Variants in PPP2R2B observed in about 807,000 individuals in gnomAD.
PPP2R2B encodes the protein serine/threonine-protein phosphatase 2A 55 kDa regulatory subunit B beta isoform.
In PPP2R2B, 5 loss-of-function variants were observed where a neutral mutation model predicts 46.0. The observed-to-expected ratio is 0.11, with a 90% CI of 0.06 to 0.23. The LOEUF is 0.23. Ranked by LOEUF, PPP2R2B falls within the 10% of genes least tolerant of loss-of-function variation. PPP2R2B has a pLI of 1.00. For synonymous variants in PPP2R2B, 215 were observed against 206.7 expected (o/e 1.04, Z -0.34); for missense variants, 367 against 575.0 (o/e 0.64, Z 3.70).
intron 1 of PPP2R2B, among the ~76,000 whole-genome samples, chr5:146,996,614 G>C (rs1753933793): frequency 6.6e-6 from 1 of 152,144 alleles, no homozygotes; most frequent in Non-Finnish European, 1.5e-5. Context: ...CCAGAAAAAT[G>C]AGTTAGGAGG....
Position 146,622,909 on chromosome 5 carries a change from G to C in PPP2R2B, c.790+15342C>G, listed in dbSNP as rs900939782. On this transcript the variant is annotated intron_variant, in intron 7 of 9. Transcript: ENST00000394411. ...ATACAAATTTCAGGAATACTTCCAGGAGAAAAGTTTAACATTGAGACAATT... is the reference window on the plus strand; with the variant it reads ...ATACAAATTTCAGGAATACTTCCAGCAGAAAAGTTTAACATTGAGACAATT... Among the ~76,000 whole-genome samples the C allele has an allele frequency of 2.6e-5, 4 of 152,160 alleles. No individual in the cohort carries two copies. The East Asian group carries it at 7.7e-4, about 29-fold the overall frequency.
In PPP2R2B at chr5:146,991,952, C is replaced by T. The variant is rs768761306; in HGVS notation, c.79+63713G>A. 2.8e-4 allele frequency among the ~76,000 whole-genome samples: 43 copies of T among 151,978 alleles called. 1 individual carries two copies. Among genetic ancestry groups the T allele is most frequent in the Admixed American group, 2.5e-3 (38 of 15,256 alleles). On this transcript the variant is annotated intron_variant, in intron 1 of 8. Coordinates refer to the PPP2R2B transcript ENST00000336640. ...ATTAAAATATTTATTCTTGCCAAAG[C>T]AATCTACAGAGTCCATGGAATCCAT...
chr5:146,876,749 A>G (rs971754301), intron 2 of PPP2R2B, among the ~76,000 whole-genome samples: 2 of 152,216 alleles, frequency 1.3e-5, no homozygotes, highest in Admixed American at 6.5e-5. Flanking sequence ...GATGCTCTCC[A>G]AAAATGATGA....
chr5:146,996,732 A>G (rs1753939968), intron 1 of PPP2R2B, among the ~76,000 whole-genome samples: 3 of 152,160 alleles, frequency 2.0e-5, no homozygotes, highest in Admixed American at 6.5e-5. Flanking sequence ...GACAGAGAGA[A>G]ACAAGTGAAA....
chr5:146,994,699 A>G (rs1483824125), intron 1 of PPP2R2B, among the ~76,000 whole-genome samples: 1 of 152,114 alleles, frequency 6.6e-6, no homozygotes, highest in Non-Finnish European at 1.5e-5. Flanking sequence ...CGCTCTGCCC[A>G]ACACTTCAGA....
At chr5:147,022,762 C>T (rs1352279000) in intron 1 of PPP2R2B, among the ~76,000 whole-genome samples, 4 of 151,868 alleles carry the variant, frequency 2.6e-5, no homozygotes, top group South Asian at 2.1e-4. Flanking sequence ...TTACCATTGA[C>T]GTCGCATCAT....
intron 2 of PPP2R2B, among the ~76,000 whole-genome samples, chr5:146,801,002 A>C (rs1756832266): frequency 6.6e-6 from 1 of 152,144 alleles, no homozygotes; most frequent in Non-Finnish European, 1.5e-5. Flanking sequence ...CAGCCTTTAA[A>C]AGGAAGGAAA....
chr5:146,676,424 G>C (rs1777721122), intron 5 of PPP2R2B, among the ~76,000 whole-genome samples: 1 of 152,028 alleles, frequency 6.6e-6, no homozygotes, highest in Non-Finnish European at 1.5e-5. Flanking sequence ...CAGCCACCTG[G>C]GCCCTCCTTC....
At chr5:146,728,445 G>A (rs934559769) in intron 2 of PPP2R2B, among the ~76,000 whole-genome samples, 4 of 152,092 alleles carry the variant, frequency 2.6e-5, no homozygotes, top group African/African-American at 9.7e-5. Context: ...CAGAGATTAT[G>A]TTCTGTACAT....
At chr5:147,025,103 A>G (rs1018120715) in intron 1 of PPP2R2B, among the ~76,000 whole-genome samples, 3 of 152,098 alleles carry the variant, frequency 2.0e-5, no homozygotes, top group Non-Finnish European at 4.4e-5. Flanking sequence ...AAGGGATCTC[A>G]TTATAGGTCT....
rs1391949147 is a variant in PPP2R2B, at chr5:146,667,328, G to A, written c.448-16604C>T. On this transcript the variant is annotated intron_variant, in intron 5 of 9. Transcript: ENST00000394411. ...GGAGAGACAGCAGGAATAGGCGTGC[G>A]CGCGCACACACACACACACACACAC... 5.4e-3 allele frequency among the ~76,000 whole-genome samples: 679 copies of A among 126,250 alleles called. 5 individuals are homozygous for A. Among genetic ancestry groups the A allele is most frequent in the Middle Eastern group, 8.1e-3 (2 of 246 alleles). 82.8% of individuals were successfully genotyped at this position (126,250 alleles called of 152,430 possible).
At chr5:146,777,620 G>A (rs57666120) in intron 2 of PPP2R2B, among the ~76,000 whole-genome samples, 3,007 of 152,174 alleles carry the variant, frequency 0.02, 116 homozygotes, top group African/African-American at 0.069. Context: ...TAAATTTTAT[G>A]TTATATATAT....
At chr5:146,751,370 G>A (rs1280333895) in intron 2 of PPP2R2B, 1 of 152,202 alleles carries the variant, frequency 6.6e-6, no homozygotes, top group Admixed American at 6.5e-5. Flanking sequence ...TTCCAGAGGT[G>A]AACAGTTTTC....
intron 5 of PPP2R2B, among the ~76,000 whole-genome samples, chr5:146,662,714 G>A (rs952282400): frequency 6.6e-6 from 1 of 151,986 alleles, no homozygotes; most frequent in African/African-American, 2.4e-5. Context: ...CTGATTGAAG[G>A]TTTATGTTAA....
intron 1 of PPP2R2B, among the ~76,000 whole-genome samples, chr5:146,896,187 A>C (rs951601523): frequency 6.6e-6 from 1 of 152,176 alleles, no homozygotes; most frequent in Non-Finnish European, 1.5e-5. Context: ...AGGCAATGAC[A>C]TTTTAAAGCC....
At chr5:147,031,064 G>A (rs1302007730) in intron 1 of PPP2R2B, among the ~76,000 whole-genome samples, 10 of 151,984 alleles carry the variant, frequency 6.6e-5, no homozygotes, top group Non-Finnish European at 1.3e-4. Context: ...GTAAAACCCC[G>A]TCTCTACTAA....
chr5:146,811,286 C>T (rs180994164), intron 2 of PPP2R2B, among the ~76,000 whole-genome samples: 8 of 152,236 alleles, frequency 5.3e-5, no homozygotes, highest in Admixed American at 3.9e-4. Flanking sequence ...GCGTGAGCCA[C>T]GGCGTCCAGC....
intron 1 of PPP2R2B, among the ~76,000 whole-genome samples, chr5:146,969,993 C>T (rs898781650): frequency 2.0e-5 from 3 of 152,104 alleles, no homozygotes; most frequent in Admixed American, 2.0e-4. Flanking sequence ...AGATGCTAAC[C>T]AAAGCCACGT....
At chr5:146,741,612 G>T (rs1285334451) in intron 2 of PPP2R2B, among the ~76,000 whole-genome samples, 1 of 152,074 alleles carries the variant, frequency 6.6e-6, no homozygotes, top group East Asian at 1.9e-4. Context: ...CGGGACGTGG[G>T]GACAGAACTC....
Sources: allele counts gnomAD v4.1 joint callset (sites outside exome capture counted in the v4.1 genomes callset), GRCh38; gene constraint gnomAD v4.1.1; transcripts MANE v1.5; gene names NCBI Gene and HGNC (gene_info 2026-07-23, HGNC 2026-07-21).